The following SRGAP3 variants were observed in gnomAD, a reference collection of about 807,000 sequenced individuals.
SRGAP3 encodes SLIT-ROBO Rho GTPase activating protein 3.
In SRGAP3, 39 loss-of-function variants were observed where a neutral mutation model predicts 121.1. The observed-to-expected ratio is 0.32, with a 90% confidence interval of 0.25 to 0.42. The LOEUF (loss-of-function observed/expected upper bound fraction) is 0.42. Among genes scored for constraint, SRGAP3 ranks in the 10% least tolerant of loss-of-function variants. The pLI, the probability that SRGAP3 is intolerant of heterozygous loss-of-function variation, is 1.00. For synonymous variants in SRGAP3, 601 were observed against 570.0 expected, an observed-to-expected ratio of 1.05 and a Z score of -0.77; for missense variants, 1,213 against 1,470.6, an observed-to-expected ratio of 0.82 and a Z score of 2.86.
chr3:8,990,921 C>T, intron 20 of SRGAP3, 82 bp from the exon 21 acceptor site: 1 of 1,200,450 alleles, frequency 8.3e-7, no homozygotes, highest in Non-Finnish European at 1.1e-6. Flanking sequence ...AACCCCATGC[C>T]ACACACTACA....
At chr3:9,221,522 G>GC (rs745920526) in intron 1 of SRGAP3, among the ~76,000 whole-genome samples, 46 of 152,214 alleles carry the variant, frequency 3.0e-4, no homozygotes, top group South Asian at 6.2e-4. Flanking sequence ...GGGCAACAGA[G>GC]CAAGGCCCTA....
intron 3 of SRGAP3, among the ~76,000 whole-genome samples, chr3:9,318,684 A>T (rs1274884438): frequency 6.6e-6 from 1 of 150,796 alleles, no homozygotes; most frequent in African/African-American, 2.4e-5. Context: ...GACAAGCCTC[A>T]GTAACATAGC....
rs572949992 is a variant in SRGAP3 at position 9,258,995 on chromosome 3, G to A, written n.442+67015C>T. 1.4e-3 allele frequency among the ~76,000 whole-genome samples: 208 copies of A among 152,250 alleles called. 1 individual carries two copies. Among genetic ancestry groups the A allele is most frequent in the Non-Finnish European group, 2.3e-3 (154 of 68,014 alleles). The stretch of plus-strand genomic sequence containing the variant: ...TGCACGCTCCTCCCCATGAGCCCAC[G>A]GGATTGGGCATCCGCCTCGCTCCTA... On this transcript the variant is annotated intron_variant and non_coding_transcript_variant, in intron 3 of 3. Transcript: ENST00000490889.
chr3:9,228,594 A>G (rs1347779131), intron 1 of SRGAP3, among the ~76,000 whole-genome samples: 1 of 152,092 alleles, frequency 6.6e-6, no homozygotes, highest in African/African-American at 2.4e-5. Context: ...CAGGCACCCT[A>G]TGGAGGGGTG....
Position 8,982,895 on chromosome 3 carries a change from A to G in SRGAP3, c.*2624T>C, listed in dbSNP as rs1941494168. The G allele has an allele frequency of 4.4e-6, 1 of 229,400 alleles. No homozygotes were observed. The highest frequency in any genetic ancestry group is 1.8e-4 in the South Asian group (1 of 5,492). 14.2% of individuals were successfully genotyped at this position (229,400 alleles called of 1,614,324 possible). ...ACAGCTAAGACTCTGCCCTCAGAAA[A>G]TTCAGTGAAAGGCAGGTCCATTTTC... On this transcript the variant is annotated 3_prime_UTR_variant, in exon 22 of 22. Transcript: ENST00000383836.
At chr3:9,084,195 C>T (rs987497325) in intron 3 of SRGAP3, among the ~76,000 whole-genome samples, 7 of 152,174 alleles carry the variant, frequency 4.6e-5, no homozygotes, top group Admixed American at 6.5e-5. Context: ...TCCCCCACCT[C>T]CCAATATCCA....
In SRGAP3 at chr3:9,248,875, C is replaced by G; in HGVS notation, c.67+10G>C. On this transcript the variant is annotated intron_variant, in intron 1 of 21. Transcript: ENST00000383836. The stretch of plus-strand genomic sequence containing the variant: ...GAGGAGAAGGAAAACTCTCCCAGCC[C>G]GCATCTCACCTTTTATTTGGGCTTC... 6.2e-6 allele frequency: 10 copies of G among 1,614,048 alleles called. No homozygotes were observed. The highest frequency in any genetic ancestry group is 8.5e-6 in the Non-Finnish European group (10 of 1,179,942).
At position 9,340,073 on chromosome 3, in the gene SRGAP3, C is replaced by A. The variant is rs1200098117; in HGVS notation, n.215-9477G>T. The stretch of plus-strand genomic sequence containing the variant: ...AGAGAGGAGTGAAGCACAAGCAGTT[C>A]AGGCACCAAATTGTGCTGATTGGAT... On this transcript the variant is annotated intron_variant and non_coding_transcript_variant, in intron 1 of 3. Coordinates refer to the SRGAP3 transcript ENST00000490889. Among the ~76,000 whole-genome samples, 3 of 152,100 alleles carry A rather than the reference C, an allele frequency of 2.0e-5. No homozygotes were observed. The East Asian group carries it at 5.8e-4, about 29-fold the overall frequency.
intron 1 of SRGAP3, among the ~76,000 whole-genome samples, chr3:9,206,393 A>G (rs780510739): frequency 4.6e-5 from 7 of 152,160 alleles, no homozygotes; most frequent in Non-Finnish European, 8.8e-5. Flanking sequence ...TCCCGAGCCC[A>G]TGTTTTCAAT....
At chr3:9,166,365 T>A (rs1950784539) in intron 1 of SRGAP3, among the ~76,000 whole-genome samples, 1 of 152,210 alleles carries the variant, frequency 6.6e-6, no homozygotes, top group African/African-American at 2.4e-5. Context: ...TGCTAGATGG[T>A]CCCACAAATT....
At chr3:9,194,807 T>C (rs954179278) in intron 1 of SRGAP3, among the ~76,000 whole-genome samples, 2 of 152,220 alleles carry the variant, frequency 1.3e-5, no homozygotes, top group African/African-American at 4.8e-5. Context: ...TTCAAATAAC[T>C]TGCCATAGAG....
At chr3:9,091,584 G>C (rs1243384687) in intron 3 of SRGAP3, among the ~76,000 whole-genome samples, 1 of 152,090 alleles carries the variant, frequency 6.6e-6, no homozygotes, top group African/African-American at 2.4e-5. Flanking sequence ...CCAAAACAAA[G>C]GCTTAAAAGG....
intron 10 of SRGAP3, among the ~76,000 whole-genome samples, chr3:9,046,304 G>A (rs1300464443): frequency 6.6e-6 from 1 of 152,216 alleles, no homozygotes; most frequent in Non-Finnish European, 1.5e-5. Context: ...GACTGCAAAG[G>A]AGCACGAGGG....
At chr3:9,148,076 G>C (rs776822325) in intron 1 of SRGAP3, among the ~76,000 whole-genome samples, 14 of 152,312 alleles carry the variant, frequency 9.2e-5, no homozygotes, top group Middle Eastern at 3.4e-3. Context: ...ATCCAGTTTA[G>C]CTTAAGTGTC....
At chr3:8,995,627 C>T (rs190349376) in intron 18 of SRGAP3, among the ~76,000 whole-genome samples, 24 of 152,312 alleles carry the variant, frequency 1.6e-4, no homozygotes, top group Middle Eastern at 3.4e-3. Context: ...CGTTGAACTG[C>T]AGAGAGTTTA....
At chr3:9,089,385 T>C (rs918575668) in intron 3 of SRGAP3, among the ~76,000 whole-genome samples, 4 of 151,462 alleles carry the variant, frequency 2.6e-5, no homozygotes, top group African/African-American at 9.7e-5. Flanking sequence ...TTCATCTTTT[T>C]GATTGGTCTG....
chr3:9,213,074 C>T (rs189031170), intron 1 of SRGAP3, among the ~76,000 whole-genome samples: 1 of 152,302 alleles, frequency 6.6e-6, no homozygotes, highest in Admixed American at 6.5e-5. Context: ...CACTTCTCGA[C>T]CTGGTGTCCT....
At chr3:9,058,708 CTCTCTCTT>C in intron 6 of SRGAP3, 1 of 460,558 alleles carries the variant, frequency 2.2e-6, no homozygotes, top group Non-Finnish European at 3.9e-6. Context: ...CCATCTTTCT[CTCTCTCTT>C]TTTTTTTTTT....
At chr3:9,227,823 T>C (rs1213353919) in intron 1 of SRGAP3, among the ~76,000 whole-genome samples, 2 of 152,108 alleles carry the variant, frequency 1.3e-5, no homozygotes, top group Non-Finnish European at 2.9e-5. Context: ...CAGAGACAAA[T>C]ACAGCAGCAC....
Sources: allele counts gnomAD v4.1 joint callset (sites outside exome capture counted in the v4.1 genomes callset), GRCh38; gene constraint gnomAD v4.1.1; transcripts MANE v1.5; gene names NCBI Gene and HGNC (gene_info 2026-07-23, HGNC 2026-07-21).